CSMD1: variants seen among roughly 807,000 people sequenced by gnomAD.
CSMD1 encodes the protein CUB and sushi domain-containing protein 1.
A neutral mutation model predicts 417.5 loss-of-function variants in CSMD1; 213 were observed. The ratio of observed to expected loss-of-function variants is 0.51; its 90% CI spans 0.46 to 0.57. The LOEUF is 0.57. Ranked by LOEUF, CSMD1 falls within the 20% of genes least tolerant of loss-of-function variation. The pLI is 0.00. For synonymous variants in CSMD1, 2,862 were observed against 1,736.8 expected (o/e 1.65, Z -16.11); for missense variants, 6,923 against 4,529.7 (o/e 1.53, Z -15.17).
At chr8:3,417,224 T>C (rs1353040699) in intron 12 of CSMD1, among the ~76,000 whole-genome samples, 3 of 152,198 alleles carry the variant, frequency 2.0e-5, no homozygotes, top group African/African-American at 7.2e-5. Context: ...TGATGTTCCA[T>C]AAATAAGAGG....
Position 3,847,026 on chromosome 8 carries a change from G to A in CSMD1, c.819-92984C>T, listed in dbSNP as rs533727571. Among the ~76,000 whole-genome samples the A allele has an allele frequency of 4.6e-5, 7 of 152,232 alleles. No homozygotes were observed. In the South Asian group the frequency reaches 8.3e-4, roughly 18 times the overall value. On this transcript the variant is annotated intron_variant, in intron 5 of 69. Transcript: ENST00000635120. ...TTTCCAGATCCACAGCAGATCAGAT[G>A]ATGCCTCTTAGCAATCTAGTCTCAG...
intron 12 of CSMD1, among the ~76,000 whole-genome samples, chr8:3,426,781 T>G (rs904571366): frequency 6.6e-6 from 1 of 152,360 alleles, no homozygotes; most frequent in African/African-American, 2.4e-5. Flanking sequence ...TTATATTTAA[T>G]GGGTTGTGCC....
intron 5 of CSMD1, among the ~76,000 whole-genome samples, chr8:3,830,400 C>T (rs899180638): frequency 6.6e-6 from 1 of 152,174 alleles, no homozygotes; most frequent in Non-Finnish European, 1.5e-5. Flanking sequence ...GGACCGCTTC[C>T]AATCAGATGA....
chr8:4,177,283 A>G (rs10090965), intron 3 of CSMD1, among the ~76,000 whole-genome samples: 4 of 151,920 alleles, frequency 2.6e-5, no homozygotes, highest in Non-Finnish European at 4.4e-5. Flanking sequence ...AACTCACTCA[A>G]AACCGCTCAA....
chr8:3,562,997 A>T lies in CSMD1; in HGVS notation c.1344+11948T>A, dbSNP rs61476883. Among the ~76,000 whole-genome samples, 921 of 152,262 alleles carry T rather than the reference A, an allele frequency of 6.0e-3. 11 individuals carry two copies. Among genetic ancestry groups the T allele is most frequent in the African/African-American group, 0.021 (882 of 41,558 alleles). ...ATTAGCCCAAAACTCTTCACAAGAT[A>T]ATATGAAGTCAAAGAGAAAGTAGAA... On this transcript the variant is annotated intron_variant, in intron 10 of 69. Coordinates refer to ENST00000635120, the MANE Select transcript of CSMD1 (RefSeq NM_033225.6).
At position 4,825,796 on chromosome 8, in the gene CSMD1, G is replaced by GA. The variant is rs140684432; in HGVS notation, c.85+168535dup. On this transcript the variant is annotated intron_variant, in intron 1 of 69. Transcript: ENST00000635120. ...CTACAAATCAAATGCAAAAAAAAAA[G>GA]AAAAAAAAAAGAAATCCCACAATCC... Among the ~76,000 whole-genome samples the GA allele has an allele frequency of 5.5e-3, 745 of 134,878 alleles. 2 individuals are homozygous for GA. Among genetic ancestry groups the GA allele is most frequent in the Middle Eastern group, 0.015 (4 of 270 alleles). The allele number at this position is 134,878 out of a possible 152,430, so 88.5% of individuals were successfully genotyped here.
chr8:3,769,072 A>G (rs1798440010), intron 5 of CSMD1, among the ~76,000 whole-genome samples: 1 of 152,228 alleles, frequency 6.6e-6, no homozygotes, highest in Non-Finnish European at 1.5e-5. Flanking sequence ...CAGTCAGGAA[A>G]AGTCAGAGTT....
chr8:3,373,446 A>AC (rs1241751909), intron 18 of CSMD1: 9 of 152,256 alleles, frequency 5.9e-5, no homozygotes, highest in Admixed American at 5.2e-4. Context: ...TATCATGAAG[A>AC]CTTTACATAA....
chr8:3,776,440 C>A (rs1271074116), intron 5 of CSMD1, among the ~76,000 whole-genome samples: 1 of 152,222 alleles, frequency 6.6e-6, no homozygotes, highest in African/African-American at 2.4e-5. Context: ...CTCTAATCTC[C>A]TGTCTGGCCA....
At chr8:3,084,200 C>T (rs1814350394) in intron 49 of CSMD1, among the ~76,000 whole-genome samples, 1 of 152,098 alleles carries the variant, frequency 6.6e-6, no homozygotes, top group East Asian at 1.9e-4. Context: ...GTTTCTACAA[C>T]TTAGGGAAGT....
intron 1 of CSMD1, among the ~76,000 whole-genome samples, chr8:4,859,048 G>A (rs1801974996): frequency 1.3e-5 from 2 of 151,702 alleles, no homozygotes; most frequent in African/African-American, 2.4e-5. Flanking sequence ...AAACAGCATG[G>A]TACTGGTACC....
At chr8:4,837,385 T>C (rs1011054243) in intron 1 of CSMD1, among the ~76,000 whole-genome samples, 3 of 152,178 alleles carry the variant, frequency 2.0e-5, no homozygotes, top group African/African-American at 4.8e-5. Context: ...ATGTGGTACA[T>C]AGACACCATG....
At chr8:3,841,173 T>C (rs1168073903) in intron 5 of CSMD1, among the ~76,000 whole-genome samples, 4 of 152,100 alleles carry the variant, frequency 2.6e-5, no homozygotes, top group Non-Finnish European at 5.9e-5. Context: ...GGAAATTGTG[T>C]TTTTATGTAT....
chr8:3,200,347 G>C (rs1796928863), intron 32 of CSMD1, among the ~76,000 whole-genome samples: 2 of 151,974 alleles, frequency 1.3e-5, no homozygotes, highest in African/African-American at 4.8e-5. Flanking sequence ...TTGAGGCCAG[G>C]AGTTTGAGAC....
intron 2 of CSMD1, among the ~76,000 whole-genome samples, chr8:4,473,537 C>A (rs1200154119): frequency 6.6e-6 from 1 of 152,164 alleles, no homozygotes; most frequent in Non-Finnish European, 1.5e-5. Context: ...TTAGGCTATG[C>A]CTTTTTCTTG....
At chr8:3,683,901 T>G (rs1799798873) in intron 7 of CSMD1, among the ~76,000 whole-genome samples, 1 of 151,958 alleles carries the variant, frequency 6.6e-6, no homozygotes, top group African/African-American at 2.4e-5. Context: ...GTTTATTGAT[T>G]TCAAAAAATG....
intron 2 of CSMD1, among the ~76,000 whole-genome samples, chr8:4,453,781 C>T (rs1334425286): frequency 6.7e-6 from 1 of 150,268 alleles, no homozygotes; most frequent in African/African-American, 2.5e-5. Flanking sequence ...CAGCTTTCAC[C>T]CAGGTTCCCG....
At chr8:3,680,289 G>A (rs938060510) in intron 7 of CSMD1, among the ~76,000 whole-genome samples, 11 of 152,164 alleles carry the variant, frequency 7.2e-5, no homozygotes, top group Admixed American at 2.6e-4. Flanking sequence ...TAGACCACTA[G>A]CAAGACTAAT....
intron 1 of CSMD1, among the ~76,000 whole-genome samples, chr8:4,734,038 A>G (rs1395621683): frequency 6.6e-6 from 1 of 152,232 alleles, no homozygotes; most frequent in Non-Finnish European, 1.5e-5. Context: ...ATTTTGAAGA[A>G]TATCTTAACA....
Sources: allele counts gnomAD v4.1 joint callset (sites outside exome capture counted in the v4.1 genomes callset), GRCh38; gene constraint gnomAD v4.1.1; transcripts MANE v1.5; gene names NCBI Gene and HGNC (gene_info 2026-07-23, HGNC 2026-07-21).